The following CNTNAP2 variants were observed in gnomAD, a reference collection of about 807,000 sequenced individuals.
CNTNAP2 encodes contactin-associated protein-like 2.
CNTNAP2 carries 98 observed loss-of-function variants against 155.2 expected under a neutral mutation model. That is an observed-to-expected ratio of 0.63 (90% CI 0.54 to 0.75). CNTNAP2 has a LOEUF of 0.75. CNTNAP2 is among the 30% of genes least tolerant of loss of function. The pLI, the probability that CNTNAP2 is intolerant of heterozygous loss-of-function variation, is 0.00. For synonymous variants in CNTNAP2, 651 were observed against 631.2 expected, an observed-to-expected ratio of 1.03 and a Z score of -0.47; for missense variants, 1,727 against 1,688.1, an observed-to-expected ratio of 1.02 and a Z score of -0.40.
At chr7:146,270,139 T>C (rs1051420642) in intron 1 of CNTNAP2, among the ~76,000 whole-genome samples, 3 of 152,202 alleles carry the variant, frequency 2.0e-5, no homozygotes, top group Non-Finnish European at 4.4e-5. Context: ...ATTTTCACGA[T>C]GGTTATTTTT....
chr7:146,442,425 A>G (rs1288912388), intron 1 of CNTNAP2, among the ~76,000 whole-genome samples: 2 of 146,968 alleles, frequency 1.4e-5, no homozygotes. Context: ...AAAATTCTCA[A>G]TCCATTTGGG....
At chr7:147,865,456 A>T (rs1283630243) in intron 13 of CNTNAP2, among the ~76,000 whole-genome samples, 1 of 152,204 alleles carries the variant, frequency 6.6e-6, no homozygotes, top group African/African-American at 2.4e-5. Flanking sequence ...TGAGTTAGGG[A>T]GGATTCCTTC....
chr7:147,528,693 G>A (rs1277092858), intron 11 of CNTNAP2, among the ~76,000 whole-genome samples: 1 of 152,106 alleles, frequency 6.6e-6, no homozygotes. Context: ...AGCTAGGTTG[G>A]CCCACACATG....
At chr7:147,663,067 C>T (rs113769351) in intron 13 of CNTNAP2, among the ~76,000 whole-genome samples, 7,616 of 152,180 alleles carry the variant, frequency 0.05, 633 homozygotes, top group African/African-American at 0.17. Context: ...GGCGCGTTCT[C>T]GGCTCACTGC....
chr7:148,179,536 G>GGAGGGAGA (rs1794999060), intron 18 of CNTNAP2, among the ~76,000 whole-genome samples: 1 of 146,630 alleles, frequency 6.8e-6, no homozygotes, highest in Non-Finnish European at 1.5e-5. Context: ...GGAGAGAGAG[G>GGAGGGAGA]GAGTGAGAGA....
At position 146,503,299 on chromosome 7, in the gene CNTNAP2, C is replaced by A. The variant is rs1347055018; in HGVS notation, c.98-270972C>A. On this transcript the variant is annotated intron_variant, in intron 1 of 23. Coordinates refer to ENST00000361727, the MANE Select transcript of CNTNAP2 (RefSeq NM_014141.6). Reference sequence around the variant, plus strand: ...GCCAAGATCAAACTTGTCCAACCCGCAGCCTATGGGCCACATGCAGCTCAG... The same window carrying A: ...GCCAAGATCAAACTTGTCCAACCCGAAGCCTATGGGCCACATGCAGCTCAG... Among the ~76,000 whole-genome samples the A allele has an allele frequency of 2.6e-5, 4 of 152,218 alleles. No individual in the cohort carries two copies. The East Asian group carries it at 5.8e-4, about 22-fold the overall frequency.
chr7:147,463,725 A>G (rs752687584), intron 10 of CNTNAP2, among the ~76,000 whole-genome samples: 17 of 152,190 alleles, frequency 1.1e-4, no homozygotes, highest in Admixed American at 2.0e-4. Flanking sequence ...AGAGATTTCT[A>G]GCTAGCTCAA....
intron 1 of CNTNAP2, among the ~76,000 whole-genome samples, chr7:146,674,857 A>T (rs1040368313): frequency 4.6e-5 from 7 of 152,186 alleles, no homozygotes; most frequent in African/African-American, 1.4e-4. Flanking sequence ...AAGGCATCTC[A>T]GGTGGTGACT....
At chr7:147,195,098 T>A (rs186061580) in intron 8 of CNTNAP2, among the ~76,000 whole-genome samples, 26 of 152,320 alleles carry the variant, frequency 1.7e-4, no homozygotes, top group African/African-American at 5.5e-4. Context: ...AATTTTTGTA[T>A]AAGGTGTAAG....
chr7:146,762,040 A>G (rs1354199194), intron 1 of CNTNAP2, among the ~76,000 whole-genome samples: 3 of 152,184 alleles, frequency 2.0e-5, no homozygotes, highest in Non-Finnish European at 1.5e-5. Context: ...AGATCCTTAC[A>G]TTGTTTAAGA....
chr7:148,230,760 T>C (rs1018055793), intron 20 of CNTNAP2, among the ~76,000 whole-genome samples: 2 of 152,152 alleles, frequency 1.3e-5, no homozygotes, highest in Non-Finnish European at 2.9e-5. Flanking sequence ...CCTAGGAAAC[T>C]GACATGCACT....
intron 3 of CNTNAP2, among the ~76,000 whole-genome samples, chr7:147,034,962 G>T (rs180767396): frequency 3.2e-3 from 355 of 109,626 alleles, no homozygotes; most frequent in African/African-American, 0.012. Flanking sequence ...ACTTAGTTCC[G>T]TGGGCACAGG....
intron 13 of CNTNAP2, among the ~76,000 whole-genome samples, chr7:147,758,633 C>G (rs994139311): frequency 4.6e-5 from 7 of 152,132 alleles, no homozygotes. Flanking sequence ...AGCTTGAGCT[C>G]AGGAGTTCTA....
intron 12 of CNTNAP2, among the ~76,000 whole-genome samples, chr7:147,577,306 T>A (rs80296396): frequency 1.3e-5 from 2 of 152,098 alleles, no homozygotes; most frequent in Admixed American, 1.3e-4. Context: ...TAATATATCC[T>A]TATTACCATA....
At chr7:148,206,499 A>G (rs957896431) in intron 18 of CNTNAP2, among the ~76,000 whole-genome samples, 1 of 152,140 alleles carries the variant, frequency 6.6e-6, no homozygotes, top group African/African-American at 2.4e-5. Flanking sequence ...ATTTTAAAAT[A>G]AGGGATTCAA....
chr7:147,608,300 A>G (rs570310901), intron 12 of CNTNAP2, among the ~76,000 whole-genome samples: 1 of 151,960 alleles, frequency 6.6e-6, no homozygotes, highest in African/African-American at 2.4e-5. Flanking sequence ...GCAGTTTAGT[A>G]TCTTATAAAT....
chr7:146,843,314 G>A (rs554555975), intron 3 of CNTNAP2, among the ~76,000 whole-genome samples: 14 of 151,900 alleles, frequency 9.2e-5, no homozygotes, highest in Non-Finnish European at 1.3e-4. Context: ...GCCCGGCCCT[G>A]TCCCACACTT....
intron 10 of CNTNAP2, among the ~76,000 whole-genome samples, chr7:147,412,286 C>T (rs1797116352): frequency 6.6e-6 from 1 of 152,180 alleles, no homozygotes; most frequent in African/African-American, 2.4e-5. Context: ...CTGGCCTGTG[C>T]TCAGTGCCTC....
intron 1 of CNTNAP2, among the ~76,000 whole-genome samples, chr7:146,309,784 C>T (rs957781096): frequency 6.7e-6 from 1 of 149,338 alleles, no homozygotes; most frequent in African/African-American, 2.5e-5. Context: ...CTGGGTGACC[C>T]AGTGAGACTC....
Sources: gnomAD v4.1 joint callset for allele counts (sites outside exome capture counted in the v4.1 genomes callset) on GRCh38, gnomAD v4.1.1 for gene constraint, MANE v1.5 for transcripts, NCBI Gene and HGNC (gene_info 2026-07-23, HGNC 2026-07-21) for gene names.